GMDS: variants seen among roughly 807,000 people sequenced by gnomAD.
GMDS encodes GDP-mannose 4,6-dehydratase.
GMDS carries 20 observed loss-of-function variants against 49.9 expected under a neutral mutation model. That is an observed-to-expected ratio of 0.40 (90% CI 0.28 to 0.58). The LOEUF (loss-of-function observed/expected upper bound fraction) is 0.58. Ranked by LOEUF, GMDS falls within the 20% of genes least tolerant of loss-of-function variation. GMDS has a pLI of 0.42. For synonymous variants in GMDS, 177 were observed against 178.6 expected (o/e 0.99, Z 0.07); for missense variants, 362 against 481.4 (o/e 0.75, Z 2.32).
rs536828484 is a variant in GMDS, at chr6:2,047,970, T to C, written c.345+67801A>G. On this transcript the variant is annotated intron_variant, in intron 4 of 10. Coordinates refer to ENST00000380815, the MANE Select transcript of GMDS (RefSeq NM_001500.4). ...ATACTTTTAGATGAAGCTATATCAA[T>C]GTTTCCATAATGCTATACCCCTGGG... is the stretch of plus-strand genomic sequence containing the variant. Among the ~76,000 whole-genome samples the C allele has an allele frequency of 2.0e-5, 3 of 152,334 alleles. No individual in the cohort carries two copies. The Middle Eastern group carries it at 0.01, about 518-fold the overall frequency.
intron 7 of GMDS, among the ~76,000 whole-genome samples, chr6:1,862,435 C>T (rs1407206600): frequency 6.6e-6 from 1 of 152,232 alleles, no homozygotes; most frequent in Non-Finnish European, 1.5e-5. Flanking sequence ...ACACACACCA[C>T]TGCTTTACTC....
chr6:1,860,840 T>C (rs1195192454), intron 7 of GMDS, among the ~76,000 whole-genome samples: 2 of 152,160 alleles, frequency 1.3e-5, no homozygotes, highest in Non-Finnish European at 2.9e-5. Flanking sequence ...CTGAGTTACA[T>C]GGCAGGCACA....
intron 1 of GMDS, among the ~76,000 whole-genome samples, chr6:2,189,926 G>A (rs1407271292): frequency 3.3e-5 from 5 of 151,882 alleles, no homozygotes; most frequent in African/African-American, 7.3e-5. Flanking sequence ...TAGTAAGAGC[G>A]TTTCTGTTTT....
At chr6:1,667,974 C>T (rs577736540) in intron 9 of GMDS, among the ~76,000 whole-genome samples, 7 of 152,288 alleles carry the variant, frequency 4.6e-5, no homozygotes, top group African/African-American at 1.2e-4. Context: ...ACATCACATG[C>T]GGCTGACATC....
chr6:2,234,907 C>G (rs1781284952), intron 1 of GMDS, among the ~76,000 whole-genome samples: 1 of 152,156 alleles, frequency 6.6e-6, no homozygotes, highest in African/African-American at 2.4e-5. Flanking sequence ...GGGCGGATCA[C>G]CTGAGGTCTG....
At chr6:1,769,719 T>C (rs1358816216) in intron 7 of GMDS, among the ~76,000 whole-genome samples, 2 of 152,148 alleles carry the variant, frequency 1.3e-5, no homozygotes, top group African/African-American at 4.8e-5. Context: ...ATTTTTTTTT[T>C]TGAGACGGAG....
At chr6:1,985,538 T>C (rs921957219) in intron 4 of GMDS, among the ~76,000 whole-genome samples, 9 of 152,104 alleles carry the variant, frequency 5.9e-5, no homozygotes, top group African/African-American at 1.9e-4. Context: ...CTTTTAAATA[T>C]ATCTTAAACC....
At chr6:1,644,953 C>T (rs537037305) in intron 9 of GMDS, among the ~76,000 whole-genome samples, 11 of 139,544 alleles carry the variant, frequency 7.9e-5, no homozygotes, top group South Asian at 2.4e-4. Flanking sequence ...TTTTTTTAAA[C>T]GAGACGGAGT....
chr6:1,982,576 C>T (rs2127348605), intron 4 of GMDS, among the ~76,000 whole-genome samples: 1 of 152,198 alleles, frequency 6.6e-6, no homozygotes, highest in South Asian at 2.1e-4. Flanking sequence ...TTCCTGTACA[C>T]CAACCACACG....
At chr6:1,807,861 A>G (rs1770246709) in intron 7 of GMDS, among the ~76,000 whole-genome samples, 1 of 152,230 alleles carries the variant, frequency 6.6e-6, no homozygotes, top group Non-Finnish European at 1.5e-5. Context: ...TAAAGGCACA[A>G]AAATCACTAA....
intron 7 of GMDS, among the ~76,000 whole-genome samples, chr6:1,743,531 A>G (rs1767364308): frequency 8.7e-6 from 1 of 114,350 alleles, no homozygotes; most frequent in African/African-American, 3.0e-5. Context: ...CGACAGAACC[A>G]GACTCCATCT....
chr6:2,193,682 A>G (rs1581777673), intron 1 of GMDS, among the ~76,000 whole-genome samples: 2 of 151,302 alleles, frequency 1.3e-5, no homozygotes, highest in African/African-American at 4.9e-5. Context: ...AAATAGCCAG[A>G]TGGATTCCTG....
intron 7 of GMDS, among the ~76,000 whole-genome samples, chr6:1,911,955 C>A (rs1412655309): frequency 6.6e-6 from 1 of 152,120 alleles, no homozygotes; most frequent in African/African-American, 2.4e-5. Context: ...TGTCTCTAAA[C>A]TCTTCATAAA....
intron 4 of GMDS, among the ~76,000 whole-genome samples, chr6:2,081,826 A>C (rs11968615): frequency 0.013 from 1,922 of 152,204 alleles, 34 homozygotes; most frequent in African/African-American, 0.042. Flanking sequence ...TCCAGAATAG[A>C]TATGTTTATT....
intron 9 of GMDS, among the ~76,000 whole-genome samples, chr6:1,676,305 A>T (rs1365777093): frequency 1.3e-5 from 2 of 152,270 alleles, no homozygotes; most frequent in Admixed American, 1.3e-4. Flanking sequence ...ATGGAAGAAC[A>T]TTCCATGCTC....
intron 6 of GMDS, among the ~76,000 whole-genome samples, chr6:1,959,515 G>A (rs1032468067): frequency 1.3e-5 from 2 of 152,130 alleles, no homozygotes; most frequent in Admixed American, 6.5e-5. Context: ...TATTTGAATA[G>A]GAGTAATTTC....
intron 8 of GMDS, among the ~76,000 whole-genome samples, chr6:1,737,870 CACATACAT>C (rs1311326624): frequency 6.7e-6 from 1 of 148,808 alleles, no homozygotes; most frequent in East Asian, 2.0e-4. Flanking sequence ...CACACATACA[CACATACAT>C]ACACACGCAA....
chr6:1,737,500 AACACAC>A (rs139626089), intron 8 of GMDS, among the ~76,000 whole-genome samples: 25 of 148,262 alleles, frequency 1.7e-4, no homozygotes, highest in East Asian at 7.9e-4. Flanking sequence ...CACACACACA[AACACAC>A]ACACACACAC....
At position 2,009,822 on chromosome 6, in the gene GMDS, C is replaced by T. The variant is rs1439248279; in HGVS notation, c.346-48856G>A. Among the ~76,000 whole-genome samples the T allele has an allele frequency of 3.9e-5, 6 of 152,280 alleles. No individual in the cohort carries two copies. In the South Asian group the frequency reaches 8.3e-4, roughly 21 times the overall value. ...CAGAATTCTACAAAGTATCAAAAAACACGTTACTGTACTCTCCAAAACAGA... is the reference window on the plus strand; with the variant it reads ...CAGAATTCTACAAAGTATCAAAAAATACGTTACTGTACTCTCCAAAACAGA... On this transcript the variant is annotated intron_variant, in intron 4 of 10. Transcript: ENST00000380815.
Sources: gnomAD v4.1 joint callset for allele counts (sites outside exome capture counted in the v4.1 genomes callset) on GRCh38, gnomAD v4.1.1 for gene constraint, MANE v1.5 for transcripts, NCBI Gene and HGNC (gene_info 2026-07-23, HGNC 2026-07-21) for gene names.